LTA4H: variants seen among roughly 807,000 people sequenced by gnomAD.
LTA4H encodes leukotriene A4 hydrolase, also known as leukotriene A-4 hydrolase.
Under a neutral mutation model 89.8 loss-of-function variants are expected in LTA4H, and 59 were observed. The ratio of observed to expected loss-of-function variants is 0.66; its 90% CI spans 0.53 to 0.82. The LOEUF (loss-of-function observed/expected upper bound fraction) is 0.82, where lower values mean the gene tolerates loss of function less well. Ranked by LOEUF, LTA4H falls within the 40% of genes least tolerant of loss-of-function variation. The probability of loss-of-function intolerance (pLI) is 0.00; values close to 1 mark genes in which losing one functional copy is unlikely to be tolerated. For missense variants in LTA4H, 617 were observed against 727.0 expected, an observed-to-expected ratio of 0.85 and a Z score of 1.74; for synonymous variants, 227 against 253.1, an observed-to-expected ratio of 0.90 and a Z score of 0.98.
intron 3 of LTA4H, among the ~76,000 whole-genome samples, chr12:96,025,157 C>T (rs1309092005): frequency 6.6e-6 from 1 of 152,018 alleles, no homozygotes; most frequent in African/African-American, 2.4e-5. Context: ...GAAAAAAGGG[C>T]TCTGTAGCAA....
intron 2 of LTA4H, chr12:96,027,772 TC>T: frequency 3.2e-6 from 1 of 316,556 alleles, no homozygotes; most frequent in South Asian, 5.4e-5. Context: ...CTTTTACCTC[TC>T]CCATGCTAAC....
At position 96,003,056 on chromosome 12, in the gene LTA4H, C is replaced by A; in HGVS notation, c.1622G>T (p.Arg541Leu). 6.3e-7 allele frequency: 1 copy of A among 1,594,906 alleles called. No individual in the cohort carries two copies. Among genetic ancestry groups the A allele is most frequent in the Middle Eastern group, 1.7e-4 (1 of 6,050 alleles). ...CTCCCACTTGGATTGAATGCAGAGC[C>A]GCAGCCATCTAAAAGGAGGATTTGG... Reference protein sequence around the residue: ...NNSEIRFRWLRLCIQSKWEDA... With the variant: ...NNSEIRFRWLLLCIQSKWEDA... The change falls in exon 18 of 19, where the codon CGG (arginine) becomes CTG (leucine). Residue 541 changes from arginine to leucine, a missense_variant. Arg to Leu is a moderately radical substitution (Grantham distance 102). Transcript: ENST00000228740.
At chr12:96,021,929 A>G (rs534554017) in intron 5 of LTA4H, among the ~76,000 whole-genome samples, 1 of 152,270 alleles carries the variant, frequency 6.6e-6, no homozygotes, top group East Asian at 1.9e-4. Context: ...TATGCTCCCT[A>G]TTCTGTCTCT....
chr12:96,025,324 T>A (rs1950501751), intron 3 of LTA4H: 1 of 152,240 alleles, frequency 6.6e-6, no homozygotes, highest in African/African-American at 2.4e-5. Context: ...GTTTAACACC[T>A]AATGGGATGT....
chr12:96,006,761 G>A (rs1950210100), intron 15 of LTA4H, among the ~76,000 whole-genome samples: 1 of 152,114 alleles, frequency 6.6e-6, no homozygotes, highest in African/African-American at 2.4e-5. Context: ...ATTCAAAAAG[G>A]TAAAGAATGA....
intron 6 of LTA4H, 37 bp from the exon 7 acceptor site, chr12:96,019,277 T>C (rs993156788): frequency 3.3e-6 from 5 of 1,535,174 alleles, no homozygotes; most frequent in Admixed American, 1.8e-5. Flanking sequence ...AAGAAATTCA[T>C]GGCAAATGAT....
At position 96,035,572 on chromosome 12, in the gene LTA4H, A is replaced by G; in HGVS notation, c.-53T>C. ...ACCTACAGCCCAACGCTCAGCTACC[A>G]GACTCGTCGATAGAGAACCTGAGGA... On this transcript the variant is annotated 5_prime_UTR_variant, in exon 1 of 19. Transcript: ENST00000228740. 1 of 1,538,592 alleles carries G rather than the reference A, an allele frequency of 6.5e-7. No individual in the cohort carries two copies. Among genetic ancestry groups the G allele is most frequent in the African/African-American group, 1.4e-5 (1 of 73,482 alleles).
chr12:96,020,673 T>C (rs17677715), intron 6 of LTA4H: 20,763 of 162,474 alleles, frequency 0.13, 1,762 homozygotes, highest in Non-Finnish European at 0.19. Context: ...TTGTAAAATA[T>C]TGATAAAATA....
chr12:96,008,184 T>G (rs746861700), intron 15 of LTA4H, among the ~76,000 whole-genome samples: 4 of 152,196 alleles, frequency 2.6e-5, no homozygotes, highest in Non-Finnish European at 5.9e-5. Flanking sequence ...ATGTGTCCCC[T>G]GAACTTAAAA....
chr12:96,036,993 G>A (rs1950653709), upstream of LTA4H, among the ~76,000 whole-genome samples: 1 of 152,196 alleles, frequency 6.6e-6, no homozygotes, highest in African/African-American at 2.4e-5. Flanking sequence ...AAGACACTGT[G>A]GCGAGGACAG....
At chr12:96,018,188 G>A (rs985528577) in intron 8 of LTA4H, among the ~76,000 whole-genome samples, 17 of 152,104 alleles carry the variant, frequency 1.1e-4, no homozygotes, top group African/African-American at 4.1e-4. Flanking sequence ...GCACCCCCAT[G>A]CCCAACTCCC....
intron 9 of LTA4H, 40 bp downstream of exon 9, chr12:96,017,517 C>T (rs981378513): frequency 2.5e-6 from 4 of 1,569,514 alleles, no homozygotes; most frequent in Non-Finnish European, 3.5e-6. Context: ...TGACGTAATA[C>T]TTCTTGAAGG....
intron 11 of LTA4H, 85 bp from the exon 12 acceptor site, chr12:96,015,084 C>A: frequency 7.9e-7 from 1 of 1,263,934 alleles, no homozygotes; most frequent in South Asian, 1.4e-5. Flanking sequence ...TATTACTTCA[C>A]TCAGTGGTGT....
upstream of LTA4H, chr12:96,035,773 GA>G (rs910313449): frequency 6.8e-5 from 50 of 733,308 alleles, no homozygotes; most frequent in Middle Eastern, 9.5e-4. Context: ...TGTTGAGGGG[GA>G]CCAAGCGTGC....
chr12:96,026,484 C>T (rs1368464008), intron 3 of LTA4H, among the ~76,000 whole-genome samples: 1 of 152,212 alleles, frequency 6.6e-6, no homozygotes, highest in East Asian at 1.9e-4. Context: ...TCTATTAAGA[C>T]ATACTGCCTG....
rs1950463612 is a variant in LTA4H at position 96,022,383 on chromosome 12, A to G, written c.481-132T>C. On this transcript the variant is annotated intron_variant, in intron 4 of 18. Coordinates refer to ENST00000228740, the MANE Select transcript of LTA4H (RefSeq NM_000895.3). The surrounding 1 kb of genome is among the most constrained non-coding windows in gnomAD (Gnocchi z 4.0). ...CAGACTATGAACACAAAAAGTATAT[A>G]CATATACAAAAAGTATATATATACA... The G allele has an allele frequency of 3.3e-6, 2 of 609,316 alleles. No individual in the cohort carries two copies. Among genetic ancestry groups the G allele is most frequent in the Admixed American group, 3.1e-5 (1 of 32,650 alleles). 37.7% of individuals were successfully genotyped at this position (609,316 alleles called of 1,614,324 possible). A position where few individuals can be genotyped will look rare whatever the true frequency, so the allele number is the denominator to read the frequency against.
intron 4 of LTA4H, among the ~76,000 whole-genome samples, chr12:96,024,249 A>G (rs1478194760): frequency 1.3e-5 from 2 of 152,106 alleles, no homozygotes; most frequent in South Asian, 2.1e-4. Flanking sequence ...CCTTTTTAAA[A>G]GTCAGATTGG....
At chr12:96,035,614 A>T, upstream of LTA4H, 1 of 1,469,622 alleles carries the variant, frequency 6.8e-7, no homozygotes, top group Non-Finnish European at 9.1e-7. Flanking sequence ...AGAGAGGTAA[A>T]GAAGAGGAGG....
intron 1 of LTA4H, among the ~76,000 whole-genome samples, chr12:96,031,810 C>T (rs890870743): frequency 1.3e-5 from 2 of 152,124 alleles, no homozygotes; most frequent in Admixed American, 6.5e-5. Context: ...TAATCTTATA[C>T]TATATATGTT....
Sources: gnomAD v4.1 joint callset for allele counts (sites outside exome capture counted in the v4.1 genomes callset) on GRCh38, gnomAD v4.1.1 for gene constraint, Gnocchi (gnomAD v3.1) non-coding constraint, MANE v1.5 for transcripts, NCBI Gene and HGNC (gene_info 2026-07-23, HGNC 2026-07-21) for gene names.